The following SIPA1L1 variants were observed in gnomAD, a reference collection of about 807,000 sequenced individuals.
SIPA1L1 encodes signal-induced proliferation-associated 1-like protein 1.
Under a neutral mutation model 162.7 loss-of-function variants are expected in SIPA1L1, and 26 were observed. The observed-to-expected ratio is 0.16, with a 90% CI of 0.12 to 0.22. SIPA1L1 has a LOEUF of 0.22. Among genes scored for constraint, SIPA1L1 ranks in the 10% least tolerant of loss-of-function variants. The pLI, the probability that SIPA1L1 is intolerant of heterozygous loss-of-function variation, is 1.00. For synonymous variants in SIPA1L1, 829 were observed against 837.4 expected (o/e 0.99, Z 0.17); for missense variants, 1,874 against 2,241.0 (o/e 0.84, Z 3.31).
intron 17 of SIPA1L1, among the ~76,000 whole-genome samples, chr14:71,714,470 G>A (rs2083111748): frequency 6.6e-6 from 1 of 152,194 alleles, no homozygotes; most frequent in African/African-American, 2.4e-5. Flanking sequence ...AGAAAGGGCA[G>A]AGAGCCCATT....
intron 2 of SIPA1L1, among the ~76,000 whole-genome samples, chr14:71,507,120 A>G (rs2050740819): frequency 1.3e-5 from 2 of 152,140 alleles, no homozygotes; most frequent in South Asian, 4.1e-4. Context: ...CTTGCCTTCT[A>G]GGTTAAATGG....
At chr14:71,664,231 C>G (rs953109842) in intron 10 of SIPA1L1, among the ~76,000 whole-genome samples, 1 of 152,120 alleles carries the variant, frequency 6.6e-6, no homozygotes, top group Non-Finnish European at 1.5e-5. Context: ...GAATTTTTCT[C>G]AAGCCCCAGC....
chr14:71,437,905 A>G (rs1193967572), intron 2 of SIPA1L1, among the ~76,000 whole-genome samples: 1 of 152,216 alleles, frequency 6.6e-6, no homozygotes, highest in East Asian at 1.9e-4. Context: ...ATCTATTGAA[A>G]TTTAAAATAT....
intron 2 of SIPA1L1, among the ~76,000 whole-genome samples, chr14:71,349,144 T>A (rs1350273844): frequency 6.6e-6 from 1 of 152,188 alleles, no homozygotes; most frequent in East Asian, 1.9e-4. Context: ...AAGGAAAACT[T>A]TCTATGCTTA....
At chr14:71,439,102 A>AAT (rs1480648306) in intron 2 of SIPA1L1, among the ~76,000 whole-genome samples, 1 of 152,142 alleles carries the variant, frequency 6.6e-6, no homozygotes, top group African/African-American at 2.4e-5. Context: ...TCATCACTCT[A>AAT]ACCCAGGAAG....
At chr14:71,629,259 CAG>C (rs760921962) in intron 7 of SIPA1L1, among the ~76,000 whole-genome samples, 16 of 152,276 alleles carry the variant, frequency 1.1e-4, no homozygotes, top group Non-Finnish European at 1.5e-4. Flanking sequence ...TTTTTATTGA[CAG>C]TGACTAGGCC....
chr14:71,622,445 G>A (rs1161655336), intron 6 of SIPA1L1, among the ~76,000 whole-genome samples: 3 of 152,182 alleles, frequency 2.0e-5, no homozygotes, highest in Non-Finnish European at 4.4e-5. Flanking sequence ...GCTTTCATGA[G>A]TTAGCTGCTT....
At chr14:71,735,186 A>G (rs2085171945) in intron 21 of SIPA1L1, 91 bp from the exon 22 acceptor site, 5 of 818,096 alleles carry the variant, frequency 6.1e-6, no homozygotes, top group Admixed American at 3.7e-5. Flanking sequence ...AATACTAGAC[A>G]TGACTGCCAA....
At chr14:71,420,117 A>G (rs1021804984) in intron 2 of SIPA1L1, among the ~76,000 whole-genome samples, 1 of 152,214 alleles carries the variant, frequency 6.6e-6, no homozygotes, top group African/African-American at 2.4e-5. Context: ...TTAGTGGAAA[A>G]GTTAATTAAG....
chr14:71,555,492 A>G (rs1480381352), intron 4 of SIPA1L1, among the ~76,000 whole-genome samples: 1 of 152,200 alleles, frequency 6.6e-6, no homozygotes, highest in East Asian at 1.9e-4. Context: ...TCTCCAGAAC[A>G]CTAAAACTTT....
At chr14:71,473,902 A>G (rs35680546) in intron 2 of SIPA1L1, among the ~76,000 whole-genome samples, 24,861 of 152,234 alleles carry the variant, frequency 0.16, 2,639 homozygotes, top group Middle Eastern at 0.35. Flanking sequence ...ATGTACTAAT[A>G]TTTAATATTT....
chr14:71,507,703 C>G lies in SIPA1L1; in HGVS notation c.-464-5040C>G, dbSNP rs117772340. Among the ~76,000 whole-genome samples, 643 of 152,222 alleles carry G rather than the reference C, an allele frequency of 4.2e-3. 2 individuals are homozygous for G. Among genetic ancestry groups the G allele is most frequent in the Non-Finnish European group, 7.5e-3 (507 of 68,004 alleles). On this transcript the variant is annotated intron_variant, in intron 2 of 23. Transcript: ENST00000381232. Reference sequence around the variant, plus strand: ...TACTGACTTGAATTATGGTTATTTCCTAAAGTTCCTTCATTATTGCCATTT... The same window carrying G: ...TACTGACTTGAATTATGGTTATTTCGTAAAGTTCCTTCATTATTGCCATTT...
Position 71,546,406 on chromosome 14 carries a change from C to T in SIPA1L1, c.-303+17036C>T, listed in dbSNP as rs1270811889. ...TTTTTTTTTTTTTGAGATGGAGTCT[C>T]GCACTGTCCCCCAGGCTGGAGTGCA... is the stretch of plus-strand genomic sequence containing the variant. On this transcript the variant is annotated intron_variant, in intron 4 of 23. Transcript: ENST00000381232. Among the ~76,000 whole-genome samples the T allele has an allele frequency of 4.2e-4, 51 of 120,960 alleles. 1 individual carries two copies. In the East Asian group the frequency reaches 0.012, roughly 29 times the overall value. The allele number at this position is 120,960 out of a possible 152,430, so 79.4% of individuals were successfully genotyped here.
chr14:71,552,352 A>C (rs1329648626), intron 4 of SIPA1L1, among the ~76,000 whole-genome samples: 1 of 152,058 alleles, frequency 6.6e-6, no homozygotes, highest in African/African-American at 2.4e-5. Context: ...TGTTAGCTAA[A>C]ATTTTAGGTT....
At chr14:71,348,749 C>T (rs1335960670) in intron 2 of SIPA1L1, among the ~76,000 whole-genome samples, 1 of 152,200 alleles carries the variant, frequency 6.6e-6, no homozygotes, top group African/African-American at 2.4e-5. Context: ...CAGAGTAATT[C>T]ACTCCTTTTT....
chr14:71,629,828 C>T (rs2148707961), intron 7 of SIPA1L1, among the ~76,000 whole-genome samples: 1 of 152,294 alleles, frequency 6.6e-6, no homozygotes, highest in Admixed American at 6.5e-5. Flanking sequence ...TTTAATTTAA[C>T]TCTGCAATAA....
intron 3 of SIPA1L1, among the ~76,000 whole-genome samples, chr14:71,515,761 C>T (rs939296158): frequency 1.3e-5 from 2 of 152,240 alleles, no homozygotes; most frequent in South Asian, 4.1e-4. Flanking sequence ...TCTCAGCCTC[C>T]CAAATAACTG....
At chr14:71,717,266 C>T (rs1026709638) in intron 17 of SIPA1L1, among the ~76,000 whole-genome samples, 1 of 152,068 alleles carries the variant, frequency 6.6e-6, no homozygotes, top group Admixed American at 6.6e-5. Flanking sequence ...CCTGACATGA[C>T]CAGACAGAAT....
chr14:71,379,474 A>C (rs1242220052), intron 2 of SIPA1L1: 8 of 140,258 alleles, frequency 5.7e-5, no homozygotes, highest in Admixed American at 2.1e-4. Context: ...TGGCTAATTA[A>C]TTTTTTTTTT....
Sources: allele counts gnomAD v4.1 joint callset (sites outside exome capture counted in the v4.1 genomes callset), GRCh38; gene constraint gnomAD v4.1.1; transcripts MANE v1.5; gene names NCBI Gene and HGNC (gene_info 2026-07-23, HGNC 2026-07-21).